The following SMTN variants were observed in gnomAD, a reference collection of about 807,000 sequenced individuals.
The protein encoded by SMTN is smoothelin.
SMTN carries 58 observed loss-of-function variants against 102.0 expected under a neutral mutation model. That is an observed-to-expected ratio of 0.57 (90% CI 0.46 to 0.71). The LOEUF (loss-of-function observed/expected upper bound fraction) is 0.71. Among genes scored for constraint, SMTN ranks in the 30% least tolerant of loss-of-function variants. SMTN has a pLI of 0.00. For synonymous variants in SMTN, 478 were observed against 497.9 expected (o/e 0.96, Z 0.53); for missense variants, 1,185 against 1,241.7 (o/e 0.95, Z 0.69).
upstream of SMTN, among the ~76,000 whole-genome samples, chr22:31,077,643 C>T (rs1240974862): frequency 1.5e-4 from 23 of 152,158 alleles, no homozygotes; most frequent in Admixed American, 1.5e-3. Flanking sequence ...CTAAAGAGGT[C>T]CAGGCTGGCA....
intron 2 of SMTN, among the ~76,000 whole-genome samples, chr22:31,084,802 G>T (rs1217868911): frequency 6.6e-6 from 1 of 152,242 alleles, no homozygotes; most frequent in East Asian, 1.9e-4. Flanking sequence ...TCTCGGGATC[G>T]GTGCCTCTCG....
intron 8 of SMTN, 48 bp downstream of exon 8, chr22:31,090,228 C>G (rs1400646907): frequency 2.7e-6 from 4 of 1,477,768 alleles, no homozygotes; most frequent in Middle Eastern, 1.8e-4. Flanking sequence ...TTCCCCTCCC[C>G]CTGCCTCCCT....
chr22:31,096,766 A>G lies in SMTN; in HGVS notation c.1895A>G (p.Gln632Arg). Reference protein sequence around the residue: ...QRDKERERRLQEARGRPGEGR... With the variant: ...QRDKERERRLREARGRPGEGR... ...GACAAGGAGCGGGAACGGCGGCTGC[A>G]GGAGGCACGGGGCCGGCCAGGGGAG... Residue 632 changes from glutamine to arginine, a missense_variant, in exon 14 of 21, where the codon CAG becomes CGG. Coordinates refer to ENST00000333137, the MANE Select transcript of SMTN (RefSeq NM_134269.3). 6.4e-7 allele frequency: 1 copy of G among 1,557,728 alleles called. No homozygotes were observed. Among genetic ancestry groups the G allele is most frequent in the Non-Finnish European group, 8.7e-7 (1 of 1,155,372 alleles).
intron 2 of SMTN, 198 bp from the exon 3 acceptor site, chr22:31,087,767 G>T: frequency 2.0e-6 from 1 of 510,598 alleles, no homozygotes; most frequent in Non-Finnish European, 3.4e-6. Context: ...ACAATGCAAA[G>T]TGGACTACCC....
rs1164574587 is a variant in SMTN, at chr22:31,090,880, G to A, written c.937+1G>A. ...CCCCGCCAACCAGCCCAGAACCGAG[G>A]TACTACCTATTCTCACCCTGCCTAG... On this transcript the variant is annotated splice_donor_variant, in intron 9 of 20. Coordinates refer to ENST00000333137, the MANE Select transcript of SMTN (RefSeq NM_134269.3). LOFTEE classifies it high-confidence loss of function. 3 of 1,613,752 alleles carry A rather than the reference G, an allele frequency of 1.9e-6. No homozygotes were observed. Among genetic ancestry groups the A allele is most frequent in the South Asian group, 2.2e-5 (2 of 91,084 alleles).
intron 2 of SMTN, among the ~76,000 whole-genome samples, chr22:31,086,318 G>C (rs1030246413): frequency 6.6e-6 from 1 of 152,196 alleles, no homozygotes; most frequent in South Asian, 2.1e-4. Flanking sequence ...TCAAATCCTG[G>C]CTCAGGTCAT....
chr22:31,097,658 C>T (rs964590909), intron 16 of SMTN, among the ~76,000 whole-genome samples: 7 of 151,848 alleles, frequency 4.6e-5, no homozygotes, highest in Non-Finnish European at 8.8e-5. Context: ...GAGCTGAGAT[C>T]ACTCCACTGC....
intron 20 of SMTN, 136 bp from the exon 21 acceptor site, chr22:31,104,180 C>T: frequency 9.7e-7 from 1 of 1,033,986 alleles, no homozygotes; most frequent in South Asian, 1.6e-5. Context: ...TTCCTGCCTT[C>T]CTGGAAGGCT....
chr22:31,088,678 C>A, intron 4 of SMTN, 21 bp from the exon 5 acceptor site: 1 of 1,613,702 alleles, frequency 6.2e-7, no homozygotes, highest in African/African-American at 1.3e-5. Flanking sequence ...CCAACACCCG[C>A]GACCTGTCTC....
At position 31,085,062 on chromosome 22, in the gene SMTN, T is replaced by C. The variant is rs1451253674; in HGVS notation, c.51+1753T>C. On this transcript the variant is annotated intron_variant, in intron 2 of 20. Coordinates refer to ENST00000333137, the MANE Select transcript of SMTN (RefSeq NM_134269.3). Reference sequence around the variant, plus strand: ...CCCGGCTCCCGCACATTCTTGAGGATTGGGCCGGGGATGGGAGGAATGGGG... The same window carrying C: ...CCCGGCTCCCGCACATTCTTGAGGACTGGGCCGGGGATGGGAGGAATGGGG... 30 of 1,531,630 alleles carry C rather than the reference T, an allele frequency of 2.0e-5. No homozygotes were observed. The East Asian group carries it at 5.4e-4, about 28-fold the overall frequency. The allele number at this position is 1,531,630 out of a possible 1,614,324, so 94.9% of individuals were successfully genotyped here. A position where few individuals can be genotyped will look rare whatever the true frequency, so the allele number is the denominator to read the frequency against.
At chr22:31,070,676 C>A (rs1233039387) in intron 1 of SMTN, among the ~76,000 whole-genome samples, 1 of 151,892 alleles carries the variant, frequency 6.6e-6, no homozygotes. Flanking sequence ...GTAATCCCAG[C>A]ACTTTGGGAG....
At chr22:31,093,457 G>A (rs1364577701) in intron 11 of SMTN, 1 of 575,086 alleles carries the variant, frequency 1.7e-6, no homozygotes, top group South Asian at 1.8e-5. Flanking sequence ...CATGCCGGGG[G>A]TACCAGGGCC....
At chr22:31,091,874 T>A in intron 11 of SMTN, 27 bp downstream of exon 11, 1 of 1,524,576 alleles carries the variant, frequency 6.6e-7, no homozygotes, top group East Asian at 2.4e-5. Flanking sequence ...CCCACCAGCC[T>A]CACCATCCGT....
chr22:31,076,206 G>A (rs1026285284), intron 1 of SMTN, among the ~76,000 whole-genome samples: 1 of 152,294 alleles, frequency 6.6e-6, no homozygotes, highest in South Asian at 2.1e-4. Flanking sequence ...CCCTCCCACC[G>A]TGGCCGCCTC....
chr22:31,094,014 T>G, intron 11 of SMTN: 1 of 672,190 alleles, frequency 1.5e-6, no homozygotes, highest in East Asian at 2.8e-5. Context: ...GCTCTAAGAC[T>G]AGGGCAAGAG....
rs552393697 is a variant in SMTN, at chr22:31,070,604, T to A, written c.-386+6417T>A. On this transcript the variant is annotated intron_variant, in intron 1 of 3. Coordinates refer to the SMTN transcript ENST00000422839. The stretch of plus-strand genomic sequence containing the variant: ...GATAACTCCTCTGACCTCCCAGAAC[T>A]ACCTGTTCAAAACAAAACTTTAAAA... Among the ~76,000 whole-genome samples, 30 of 152,248 alleles carry A rather than the reference T, an allele frequency of 2.0e-4. No homozygotes were observed. The South Asian group carries it at 4.8e-3, about 24-fold the overall frequency.
chr22:31,088,679 G>A lies in SMTN; in HGVS notation c.295-20G>A. The A allele has an allele frequency of 6.2e-7, 1 of 1,613,822 alleles. No homozygotes were observed. The highest frequency in any genetic ancestry group is 8.5e-7 in the Non-Finnish European group (1 of 1,179,814). ...CTGGACTCCACAGCCCAACACCCGC[G>A]ACCTGTCTCTTACCCACAGTTGCGA... On this transcript the variant is annotated intron_variant, in intron 4 of 20. Coordinates refer to ENST00000333137, the MANE Select transcript of SMTN (RefSeq NM_134269.3).
intron 1 of SMTN, among the ~76,000 whole-genome samples, chr22:31,076,001 TA>T (rs2042119024): frequency 2.7e-5 from 4 of 146,686 alleles, no homozygotes; most frequent in Admixed American, 2.0e-4. Flanking sequence ...TGGCTATTAT[TA>T]GGCCCGGCGT....
At chr22:31,087,863 G>A in intron 2 of SMTN, 102 bp from the exon 3 acceptor site, 1 of 1,293,834 alleles carries the variant, frequency 7.7e-7, no homozygotes, top group Non-Finnish European at 1.0e-6. Flanking sequence ...CACAGGGAGT[G>A]GACACAGGCC....
Sources: allele counts gnomAD v4.1 joint callset (sites outside exome capture counted in the v4.1 genomes callset), GRCh38; gene constraint gnomAD v4.1.1; transcripts MANE v1.5; gene names NCBI Gene and HGNC (gene_info 2026-07-23, HGNC 2026-07-21).